Variants in RGS8 observed in about 807,000 individuals in gnomAD.
RGS8 encodes the protein regulator of G protein signaling 8.
A neutral mutation model predicts 21.7 loss-of-function variants in RGS8; 8 were observed. The observed-to-expected ratio is 0.37, with a 90% CI of 0.22 to 0.66. RGS8 has a LOEUF of 0.66. RGS8 is among the 30% of genes least tolerant of loss of function. The pLI is 0.59. For missense variants in RGS8, 157 were observed against 217.9 expected (o/e 0.72, Z 1.76); for synonymous variants, 80 against 83.6 (o/e 0.96, Z 0.24).
chr1:182,742,599 C>T, the RGS8 span, among the ~76,000 whole-genome samples: 3 of 152,220 alleles, frequency 2.0e-5, no homozygotes, highest in South Asian at 2.1e-4. Context: ...ACCAGTCAGG[C>T]GTGGTGGCGC....
chr1:182,657,578 G>A (rs1663349966), intron 5 of RGS8, among the ~76,000 whole-genome samples: 1 of 151,962 alleles, frequency 6.6e-6, no homozygotes, highest in Admixed American at 6.6e-5. Context: ...TCAGGCAGTT[G>A]GAAAGAGTGA....
Position 182,655,479 on chromosome 1 carries a change from G to C in RGS8, c.194-7176C>G, listed in dbSNP as rs547992963. On this transcript the variant is annotated intron_variant, in intron 5 of 6. Transcript: ENST00000483095. ...AGTTACACCATAAGCAGTTAAGGCC[G>C]ACTCGGCAGGGATGGAGATTTGGAG... Among the ~76,000 whole-genome samples, 6 of 152,348 alleles carry C rather than the reference G, an allele frequency of 3.9e-5. No homozygotes were observed. In the East Asian group the frequency reaches 9.6e-4, roughly 24 times the overall value.
At chr1:182,670,074 G>A (rs2102442670) in intron 2 of RGS8, among the ~76,000 whole-genome samples, 1 of 152,342 alleles carries the variant, frequency 6.6e-6, no homozygotes, top group Non-Finnish European at 1.5e-5. Context: ...TTACTAAAGT[G>A]GGGCCCAAGT....
chr1:182,684,849 G>A (rs1404172498), upstream of RGS8, among the ~76,000 whole-genome samples: 1 of 152,208 alleles, frequency 6.6e-6, no homozygotes, highest in African/African-American at 2.4e-5. This position sits in a 1 kb window ranked among gnomAD's most constrained non-coding sequence, Gnocchi z 4.2. Context: ...GGGACACAAG[G>A]AGGCGAAACG....
At chr1:182,706,332 G>C in the RGS8 span, among the ~76,000 whole-genome samples, 1 of 152,220 alleles carries the variant, frequency 6.6e-6, no homozygotes, top group African/African-American at 2.4e-5. Context: ...TGGCTCCCCT[G>C]TCCAACTAGT....
At chr1:182,661,759 C>T (rs1480283258) in intron 5 of RGS8, among the ~76,000 whole-genome samples, 2 of 152,086 alleles carry the variant, frequency 1.3e-5, no homozygotes, top group Admixed American at 6.6e-5. Context: ...AAACTTTGCT[C>T]TCTTGGGTAT....
chr1:182,748,298 C>T, the RGS8 span, among the ~76,000 whole-genome samples: 63 of 152,308 alleles, frequency 4.1e-4, no homozygotes, highest in African/African-American at 1.4e-3. Context: ...TGGCAACCAC[C>T]ATTCTATTCC....
chr1:182,715,393 C>T, the RGS8 span, among the ~76,000 whole-genome samples: 1 of 152,168 alleles, frequency 6.6e-6, no homozygotes, highest in Non-Finnish European at 1.5e-5. Context: ...GAGCACGCTC[C>T]CCACTCCCCA....
At chr1:182,707,001 T>C in the RGS8 span, among the ~76,000 whole-genome samples, 1 of 151,374 alleles carries the variant, frequency 6.6e-6, no homozygotes, top group Non-Finnish European at 1.5e-5. Context: ...CTACTAAAAA[T>C]ACAAAAAATT....
chr1:182,659,192 G>A (rs1000236310), intron 5 of RGS8, among the ~76,000 whole-genome samples: 6 of 152,226 alleles, frequency 3.9e-5, no homozygotes, highest in African/African-American at 1.4e-4. Context: ...AGAGTAAGGA[G>A]AGCCTGGGTT....
At chr1:182,741,651 C>T in the RGS8 span, among the ~76,000 whole-genome samples, 12 of 103,036 alleles carry the variant, frequency 1.2e-4, no homozygotes, top group East Asian at 3.1e-4. Flanking sequence ...CCCTCCCGGA[C>T]GGGGCGGCTG....
the RGS8 span, among the ~76,000 whole-genome samples, chr1:182,724,006 TGATTG>T: frequency 2.0e-5 from 3 of 151,464 alleles, no homozygotes; most frequent in Non-Finnish European, 2.9e-5. Context: ...AGTGTCAACT[TGATTG>T]GATTGAAGTA....
the RGS8 span, among the ~76,000 whole-genome samples, chr1:182,746,863 G>A: frequency 2.0e-5 from 3 of 151,884 alleles, no homozygotes; most frequent in East Asian, 5.8e-4. Flanking sequence ...TTTAAAGATA[G>A]GAAATGCATC....
At chr1:182,685,043 T>C (rs923601815), upstream of RGS8, among the ~76,000 whole-genome samples, 5 of 149,626 alleles carry the variant, frequency 3.3e-5, no homozygotes, top group Non-Finnish European at 4.4e-5. Context: ...ATTTCAGCAA[T>C]GGCTAAGGCA....
chr1:182,657,524 C>T (rs964866865), intron 5 of RGS8, among the ~76,000 whole-genome samples: 26 of 152,154 alleles, frequency 1.7e-4, no homozygotes, highest in African/African-American at 6.3e-4. Flanking sequence ...CTCCCCAAGC[C>T]CAGGCAACTG....
chr1:182,723,621 T>C, the RGS8 span, among the ~76,000 whole-genome samples: 1 of 152,140 alleles, frequency 6.6e-6, no homozygotes, highest in Non-Finnish European at 1.5e-5. Flanking sequence ...CTGCTGTTGG[T>C]CCCACAGACC....
chr1:182,708,119 G>A, the RGS8 span, among the ~76,000 whole-genome samples: 7 of 152,162 alleles, frequency 4.6e-5, no homozygotes, highest in South Asian at 2.1e-4. Context: ...CACAGGGCTC[G>A]TCAGTAGTGC....
chr1:182,676,899 A>T (rs996346315), upstream of RGS8, among the ~76,000 whole-genome samples: 127 of 152,336 alleles, frequency 8.3e-4, 1 homozygote, highest in Non-Finnish European at 1.4e-3. Flanking sequence ...AACACAAATT[A>T]ACACACCTGC....
downstream of RGS8, chr1:182,645,314 C>T (rs1557879084): frequency 1.3e-5 from 2 of 152,254 alleles, no homozygotes; most frequent in Non-Finnish European, 2.9e-5. Context: ...TAACTCCACT[C>T]TGTTATCCTC....
Sources: allele counts gnomAD v4.1 joint callset (sites outside exome capture counted in the v4.1 genomes callset), GRCh38; gene constraint gnomAD v4.1.1; non-coding constraint Gnocchi (gnomAD v3.1); transcripts MANE v1.5; gene names NCBI Gene and HGNC (gene_info 2026-07-23, HGNC 2026-07-21).